The following MYBPHL variants were observed in gnomAD, a reference collection of about 807,000 sequenced individuals.
The protein encoded by MYBPHL is myosin binding protein H like, also known as myosin-binding protein H-like.
In MYBPHL, 32 loss-of-function variants were observed where a neutral mutation model predicts 39.5. That is an observed-to-expected ratio of 0.81 (90% CI 0.61 to 1.09). The LOEUF (loss-of-function observed/expected upper bound fraction) is 1.09, where lower values mean the gene tolerates loss of function less well. MYBPHL is among the 50% of genes least tolerant of loss of function. The probability of loss-of-function intolerance (pLI) is 0.00; values close to 1 mark genes in which losing one functional copy is unlikely to be tolerated. For missense variants in MYBPHL, 456 were observed against 460.2 expected (o/e 0.99, Z 0.08); for synonymous variants, 196 against 183.7 (o/e 1.07, Z -0.54).
chr1:109,306,058 T>A (rs1428053979), intron 1 of MYBPHL, among the ~76,000 whole-genome samples: 1 of 152,208 alleles, frequency 6.6e-6, no homozygotes, highest in Non-Finnish European at 1.5e-5. Flanking sequence ...GTCTAGTATA[T>A]CTTTTCCCCT....
In MYBPHL at chr1:109,292,540, A is replaced by G. The variant is rs1417049699; in HGVS notation, c.*82T>C. ...CCAGGCTGCTGAGGGCACCGTTGTC[A>G]CGGTCCCTGGCTCCTGTGCCATGAA... On this transcript the variant is annotated 3_prime_UTR_variant, in exon 9 of 9. Transcript: ENST00000357155. The G allele has an allele frequency of 6.6e-6, 1 of 152,238 alleles. No individual in the cohort carries two copies. The highest frequency in any genetic ancestry group is 2.4e-5 in the African/African-American group (1 of 41,456). 9.4% of individuals were successfully genotyped at this position (152,238 alleles called of 1,614,324 possible). A position where few individuals can be genotyped will look rare whatever the true frequency, so the allele number is the denominator to read the frequency against.
At chr1:109,296,089 T>G (rs1306858809) in intron 6 of MYBPHL, 145 bp downstream of exon 6, 1 of 982,980 alleles carries the variant, frequency 1.0e-6, no homozygotes, top group Non-Finnish European at 1.5e-6. Context: ...CCCCCCCGAC[T>G]GTTCCTAAAT....
At chr1:109,299,899 T>A (rs59072295) in intron 1 of MYBPHL, among the ~76,000 whole-genome samples, 1 of 152,084 alleles carries the variant, frequency 6.6e-6, no homozygotes, top group Non-Finnish European at 1.5e-5. Context: ...GTGATGGGCT[T>A]CTCTCCTGTG....
intron 1 of MYBPHL, among the ~76,000 whole-genome samples, chr1:109,304,786 C>G (rs1438482823): frequency 6.6e-6 from 1 of 152,208 alleles, no homozygotes; most frequent in African/African-American, 2.4e-5. Context: ...GAACTGTTTA[C>G]CAATGCTGGC....
In MYBPHL at chr1:109,296,875, TTG is replaced by T. The variant is rs1658090367; in HGVS notation, c.636_637del (p.Asn213LeufsTer9). 5.0e-6 allele frequency: 8 copies of T among 1,613,992 alleles called. No individual in the cohort carries two copies. Among genetic ancestry groups the T allele is most frequent in the Non-Finnish European group, 6.8e-6 (8 of 1,179,984 alleles). On this transcript the variant is annotated frameshift_variant, in exon 5 of 9. Coordinates refer to ENST00000357155, the MANE Select transcript of MYBPHL (RefSeq NM_001010985.3). LOFTEE classifies it high-confidence loss of function. The stretch of plus-strand genomic sequence containing the variant: ...AGCAAAGACACGGAAGGCATAGGAG[TTG>T]CCGATGATGAGGTCAGAGACGATGC...
rs200707838 is a variant in MYBPHL at position 109,297,417 on chromosome 1, C to T, written c.430+5G>A. 87 of 1,610,260 alleles carry T rather than the reference C, an allele frequency of 5.4e-5. No individual in the cohort carries two copies. The East Asian group carries it at 8.9e-4, about 17-fold the overall frequency. ...CCCCCCCATCTCCCACTTCCCCCACCGTACCAATCACCAGGATGTCAATGG... is the reference window on the plus strand; with the variant it reads ...CCCCCCCATCTCCCACTTCCCCCACTGTACCAATCACCAGGATGTCAATGG... On this transcript the variant is annotated splice_donor_5th_base_variant and intron_variant, in intron 3 of 8. Coordinates refer to ENST00000357155, the MANE Select transcript of MYBPHL (RefSeq NM_001010985.3).
chr1:109,299,448 A>C (rs1658207505), intron 1 of MYBPHL, among the ~76,000 whole-genome samples: 1 of 152,242 alleles, frequency 6.6e-6, no homozygotes, highest in South Asian at 2.1e-4. Context: ...AAATACATAC[A>C]TTACATAACA....
At chr1:109,293,740 A>AAAATAAAT (rs59376361) in intron 8 of MYBPHL, among the ~76,000 whole-genome samples, 37,824 of 144,346 alleles carry the variant, frequency 0.26, 5,761 homozygotes, top group South Asian at 0.46. Context: ...ACTCTGTCTC[A>AAAATAAAT]AAATAAATAA....
rs1291119403 is a variant in MYBPHL, at chr1:109,295,176, A to T, written c.989T>A (p.Ile330Asn). 1 of 1,614,090 alleles carries T rather than the reference A, an allele frequency of 6.2e-7. No individual in the cohort carries two copies. The highest frequency in any genetic ancestry group is 1.1e-5 in the South Asian group (1 of 91,076). Residue 330 changes from isoleucine (I) to asparagine (N), a missense_variant, in exon 7 of 9, where the codon ATC becomes AAC. By Grantham distance (149) the Ile-to-Asn change is moderately radical. Coordinates refer to ENST00000357155, the MANE Select transcript of MYBPHL (RefSeq NM_001010985.3). ...GGGGTTCACCGCCTTGCAGGTATAG[A>T]TGCCTCCATCAAAGGGACCCGGCTT... ...IRKPGPFDGG[I>N]YTCKAVNPLG...
At chr1:109,295,431 T>G (rs1658027148) in intron 6 of MYBPHL, 134 bp from the exon 7 acceptor site, 1 of 740,538 alleles carries the variant, frequency 1.4e-6, no homozygotes, top group South Asian at 2.7e-5. Context: ...CCTTATGTTG[T>G]GGGAAGGGTT....
chr1:109,303,102 G>A (rs1325722664), intron 1 of MYBPHL, among the ~76,000 whole-genome samples: 3 of 152,130 alleles, frequency 2.0e-5, no homozygotes, highest in Admixed American at 1.3e-4. Flanking sequence ...TAGTTCTTAC[G>A]CTAGTGAGAA....
chr1:109,298,736 G>T (rs1658176864), intron 1 of MYBPHL, among the ~76,000 whole-genome samples: 2 of 151,996 alleles, frequency 1.3e-5, no homozygotes, highest in Admixed American at 1.3e-4. Context: ...CATTCTGCAG[G>T]CAGAGTCAAC....
intron 7 of MYBPHL, among the ~76,000 whole-genome samples, chr1:109,294,872 C>T (rs1657999175): frequency 6.6e-6 from 1 of 152,186 alleles, no homozygotes; most frequent in Non-Finnish European, 1.5e-5. Context: ...CTTTCGTCTT[C>T]TCATTTGCAA....
rs138837232 is a variant in MYBPHL at position 109,296,115 on chromosome 1, A to G, written c.867+119T>C. 8.7e-6 allele frequency: 11 copies of G among 1,266,390 alleles called. No individual in the cohort carries two copies. The African/African-American group carries it at 1.3e-4, about 15-fold the overall frequency. 78.4% of individuals were successfully genotyped at this position (1,266,390 alleles called of 1,614,324 possible). ...GTTCCTAAATACCGTGCTGTAGAAG[A>G]GGCAGATGGCGGTGATGGTAACAGA... On this transcript the variant is annotated intron_variant, in intron 6 of 8. Transcript: ENST00000357155.
chr1:109,298,028 T>C, intron 2 of MYBPHL, 141 bp downstream of exon 2: 1 of 709,738 alleles, frequency 1.4e-6, no homozygotes. Context: ...TCATTTGGCC[T>C]CAGACTTCTG....
At position 109,298,161 on chromosome 1, in the gene MYBPHL, A is replaced by T; in HGVS notation, c.234+8T>A. On this transcript the variant is annotated splice_region_variant and intron_variant, in intron 2 of 8. Coordinates refer to ENST00000357155, the MANE Select transcript of MYBPHL (RefSeq NM_001010985.3). ...GACATGGACCCAGTATGGGGCTGGC[A>T]TGATCACCTGGAATGGGATTAGTAG... The T allele has an allele frequency of 3.7e-6, 6 of 1,601,814 alleles. No homozygotes were observed. The highest frequency in any genetic ancestry group is 5.1e-6 in the Non-Finnish European group (6 of 1,174,988).
Position 109,295,494 on chromosome 1 carries a change from C to T in MYBPHL, c.868-197G>A, listed in dbSNP as rs632514. ...CCAAGCTCCTTCTCTTGTTTGAAAA[C>T]AGCACCTGAAACTTCATTTTCTTTA... On this transcript the variant is annotated intron_variant, in intron 6 of 8. Transcript: ENST00000357155. Among the ~76,000 whole-genome samples, 149,446 of 152,318 alleles carry T rather than the reference C, an allele frequency of 0.98. 73,378 individuals are homozygous for T. Among genetic ancestry groups the T allele is most frequent in the East Asian group, 1 (5,180 of 5,180 alleles).
chr1:109,306,011 G>A (rs1180009543), intron 1 of MYBPHL, among the ~76,000 whole-genome samples: 1 of 152,224 alleles, frequency 6.6e-6, no homozygotes, highest in East Asian at 1.9e-4. Context: ...GCTGTTAGAG[G>A]CGGCACTAGG....
At chr1:109,301,372 CT>C (rs1256415708) in intron 1 of MYBPHL, among the ~76,000 whole-genome samples, 26 of 152,176 alleles carry the variant, frequency 1.7e-4, no homozygotes, top group Admixed American at 8.5e-4. Flanking sequence ...GCCTTTGGTT[CT>C]GAGTTAGGCT....
Sources: allele counts gnomAD v4.1 joint callset (sites outside exome capture counted in the v4.1 genomes callset), GRCh38; gene constraint gnomAD v4.1.1; transcripts MANE v1.5; gene names NCBI Gene and HGNC (gene_info 2026-07-23, HGNC 2026-07-21).